TTC23L: variants seen among roughly 807,000 people sequenced by gnomAD.
TTC23L encodes tetratricopeptide repeat domain 23 like, also known as tetratricopeptide repeat protein 23-like.
TTC23L carries 42 observed loss-of-function variants against 48.1 expected under a neutral mutation model. The observed-to-expected ratio is 0.87, with a 90% confidence interval of 0.68 to 1.13. TTC23L has a LOEUF of 1.13. Ranked by LOEUF, TTC23L falls within the 50% of genes most tolerant of loss-of-function variation. The pLI is 0.00. For missense variants in TTC23L, 391 were observed against 421.0 expected, an observed-to-expected ratio of 0.93 and a Z score of 0.62; for synonymous variants, 159 against 157.2, an observed-to-expected ratio of 1.01 and a Z score of -0.09.
the TTC23L span, chr5:34,915,821 C>T: frequency 6.3e-7 from 1 of 1,576,420 alleles, no homozygotes; most frequent in Non-Finnish European, 8.6e-7. Flanking sequence ...GATGCGGAGC[C>T]GCCAGCTAAG....
At chr5:34,921,026 A>C in the TTC23L span, 1 of 152,104 alleles carries the variant, frequency 6.6e-6, no homozygotes. Context: ...CAGTATGCCC[A>C]GCTAATTTTT....
the TTC23L span, among the ~76,000 whole-genome samples, chr5:34,924,358 A>T: frequency 6.6e-6 from 1 of 152,350 alleles, no homozygotes; most frequent in Admixed American, 6.5e-5. Context: ...CTAATAGATA[A>T]CATAAATATT....
At chr5:34,872,130 A>AG (rs958112430) in intron 8 of TTC23L, among the ~76,000 whole-genome samples, 82 of 151,372 alleles carry the variant, frequency 5.4e-4, no homozygotes, top group East Asian at 1.6e-3. Flanking sequence ...AAAAAAAAAA[A>AG]AAGAAGAAGA....
chr5:34,853,098 A>G (rs1294222113), intron 4 of TTC23L, among the ~76,000 whole-genome samples: 1 of 152,190 alleles, frequency 6.6e-6, no homozygotes, highest in Non-Finnish European at 1.5e-5. Flanking sequence ...CAACTAAACC[A>G]TATCATGGAG....
At chr5:34,896,683 C>A (rs1354547682) in intron 9 of TTC23L, 87 bp from the exon 10 acceptor site, 3 of 730,196 alleles carry the variant, frequency 4.1e-6, no homozygotes, top group Non-Finnish European at 7.7e-6. Flanking sequence ...TCTGGAATAG[C>A]ATTCTCAGTG....
At chr5:34,903,873 A>G (rs1441451792), downstream of TTC23L, among the ~76,000 whole-genome samples, 1 of 152,138 alleles carries the variant, frequency 6.6e-6, no homozygotes, top group Non-Finnish European at 1.5e-5. Flanking sequence ...AGGATTAGCT[A>G]TTTTCCAACA....
chr5:34,914,031 A>C, the TTC23L span: 1 of 456,576 alleles, frequency 2.2e-6, no homozygotes, highest in Non-Finnish European at 4.4e-6. Context: ...ATGCCCCTGC[A>C]TGAGGACAAG....
At chr5:34,911,927 T>C in the TTC23L span, 2 of 1,202,284 alleles carry the variant, frequency 1.7e-6, no homozygotes, top group Non-Finnish European at 2.4e-6. Flanking sequence ...ATTTCTCACA[T>C]ATATGTATCT....
chr5:34,850,942 A>T (rs1759621679), intron 4 of TTC23L, among the ~76,000 whole-genome samples: 1 of 152,206 alleles, frequency 6.6e-6, no homozygotes, highest in Non-Finnish European at 1.5e-5. Flanking sequence ...AGCGCATTTC[A>T]GGAACCAGGG....
chr5:34,913,504 G>C, the TTC23L span: 8 of 1,600,354 alleles, frequency 5.0e-6, no homozygotes, highest in Admixed American at 6.8e-5. Flanking sequence ...TAGATAAACA[G>C]TCTAAAAGGA....
intron 9 of TTC23L, among the ~76,000 whole-genome samples, chr5:34,892,105 G>T (rs929424237): frequency 6.6e-6 from 1 of 152,156 alleles, no homozygotes; most frequent in Non-Finnish European, 1.5e-5. Context: ...TCAAAACCTG[G>T]TACAACGATT....
chr5:34,847,729 G>A (rs1156493865), intron 3 of TTC23L, among the ~76,000 whole-genome samples: 2 of 152,274 alleles, frequency 1.3e-5, no homozygotes, highest in South Asian at 4.1e-4. Context: ...ATTTGCTGTG[G>A]TCAGCCCATG....
the TTC23L span, chr5:34,925,198 G>A: frequency 1.4e-5 from 21 of 1,515,454 alleles, no homozygotes; most frequent in Admixed American, 6.9e-5. Flanking sequence ...TATTTCAAAA[G>A]CATCTAATCT....
chr5:34,877,116 T>G (rs1198238876), intron 8 of TTC23L, among the ~76,000 whole-genome samples: 1 of 152,180 alleles, frequency 6.6e-6, no homozygotes, highest in Non-Finnish European at 1.5e-5. Flanking sequence ...AATTATACAC[T>G]ACAGCCAAAT....
chr5:34,866,394 A>ATTTTT (rs1761048975), intron 6 of TTC23L, among the ~76,000 whole-genome samples: 2 of 152,266 alleles, frequency 1.3e-5, no homozygotes, highest in South Asian at 4.1e-4. Context: ...TCTCTAAGGT[A>ATTTTT]TTTTATTGTA....
chr5:34,918,686 G>T, the TTC23L span: 1 of 436,788 alleles, frequency 2.3e-6, no homozygotes, highest in Non-Finnish European at 4.1e-6. Context: ...TTTTAAAACA[G>T]GTGTCCTAAT....
the TTC23L span, chr5:34,909,313 G>A: frequency 6.2e-7 from 1 of 1,611,176 alleles, no homozygotes; most frequent in African/African-American, 1.3e-5. Flanking sequence ...GAATCTTTGG[G>A]ATAGTCAAGG....
At chr5:34,855,233 TAA>T (rs1760029828) in intron 4 of TTC23L, among the ~76,000 whole-genome samples, 1 of 43,364 alleles carries the variant, frequency 2.3e-5, no homozygotes, top group African/African-American at 2.4e-4. Flanking sequence ...TTGGGCAGGC[TAA>T]GGTTAGGACT....
At position 34,855,641 on chromosome 5, in the gene TTC23L, A is replaced by G. The variant is rs139220575; in HGVS notation, c.379+5333A>G. ...AAAGATTGGAAACAAGCAAGTATCC[A>G]TCAATAGGAAACTAGTACATACACA... is the stretch of plus-strand genomic sequence containing the variant. On this transcript the variant is annotated intron_variant, in intron 4 of 10. Coordinates refer to ENST00000505624, the Ensembl canonical transcript of TTC23L. Among the ~76,000 whole-genome samples, 694 of 152,374 alleles carry G rather than the reference A, an allele frequency of 4.6e-3. 27 individuals are homozygous for G. The highest frequency in any genetic ancestry group is 0.042 in the Admixed American group (646 of 15,300).
Sources: gnomAD v4.1 joint callset for allele counts (sites outside exome capture counted in the v4.1 genomes callset) on GRCh38, gnomAD v4.1.1 for gene constraint, MANE v1.5 for transcripts, NCBI Gene and HGNC (gene_info 2026-07-23, HGNC 2026-07-21) for gene names.